TPST1: variants seen among roughly 807,000 people sequenced by gnomAD.
TPST1 encodes protein-tyrosine sulfotransferase 1.
In TPST1, 20 loss-of-function variants were observed where a neutral mutation model predicts 34.8. The ratio of observed to expected loss-of-function variants is 0.57; its 90% confidence interval spans 0.40 to 0.84. TPST1 has a LOEUF of 0.84. Among genes scored for constraint, TPST1 ranks in the 40% least tolerant of loss-of-function variants. The pLI, the probability that TPST1 is intolerant of heterozygous loss-of-function variation, is 0.00. For missense variants in TPST1, 353 were observed against 455.5 expected (o/e 0.78, Z 2.05); for synonymous variants, 152 against 159.4 (o/e 0.95, Z 0.35).
chr7:66,322,455 C>T (rs1005192266), intron 3 of TPST1, among the ~76,000 whole-genome samples: 19 of 152,302 alleles, frequency 1.2e-4, no homozygotes, highest in African/African-American at 4.3e-4. Flanking sequence ...ACTTTTGTCT[C>T]GATTTAAGTA....
intron 1 of TPST1, among the ~76,000 whole-genome samples, chr7:66,235,252 C>T (rs1216452688): frequency 6.8e-6 from 1 of 146,938 alleles, no homozygotes; most frequent in African/African-American, 2.5e-5. Context: ...ATGGCGCGAA[C>T]TCGGCTCGCT....
At chr7:66,266,902 G>C (rs763288922) in intron 2 of TPST1, among the ~76,000 whole-genome samples, 7 of 152,162 alleles carry the variant, frequency 4.6e-5, no homozygotes, top group Non-Finnish European at 8.8e-5. Context: ...AAAAGAGACT[G>C]TTGAGGGGCT....
In TPST1 at chr7:66,266,278, T is replaced by TA. The variant is rs536062105; in HGVS notation, c.846-20219dup. Among the ~76,000 whole-genome samples, 246 of 135,400 alleles carry TA rather than the reference T, an allele frequency of 1.8e-3. 3 individuals carry two copies. The highest frequency in any genetic ancestry group is 8.3e-3 in the South Asian group (36 of 4,346). 88.8% of individuals were successfully genotyped at this position (135,400 alleles called of 152,430 possible). A position where few individuals can be genotyped will look rare whatever the true frequency, so the allele number is the denominator to read the frequency against. On this transcript the variant is annotated intron_variant, in intron 2 of 5. Transcript: ENST00000304842. ...GATCTTTTCACCAGTCTAATTCTACTAAAAAAAAAAAAAAGTAGGCTTAGT... is the reference window on the plus strand; with the variant it reads ...GATCTTTTCACCAGTCTAATTCTACTAAAAAAAAAAAAAAAGTAGGCTTAGT...
At chr7:66,241,384 A>G (rs1790033052) in intron 2 of TPST1, 114 bp downstream of exon 2, 2 of 1,270,110 alleles carry the variant, frequency 1.6e-6, no homozygotes, top group Admixed American at 3.1e-5. Context: ...GTGTATATAT[A>G]GAAACTGAAG....
chr7:66,232,393 G>C lies in TPST1; in HGVS notation c.-101-7932G>C, dbSNP rs536242455. Reference sequence around the variant, plus strand: ...AATTTTTTGTTTGTTTGTTTTTTGAGACAGAGTCTCGCTCTGTCTCCCAGG... The same window carrying C: ...AATTTTTTGTTTGTTTGTTTTTTGACACAGAGTCTCGCTCTGTCTCCCAGG... On this transcript the variant is annotated intron_variant, in intron 1 of 5. Transcript: ENST00000304842. Among the ~76,000 whole-genome samples, 217 of 151,468 alleles carry C rather than the reference G, an allele frequency of 1.4e-3. 2 individuals are homozygous for C. Among genetic ancestry groups the C allele is most frequent in the Admixed American group, 4.0e-3 (61 of 15,252 alleles).
chr7:66,208,037 C>A (rs1789168101), intron 1 of TPST1, among the ~76,000 whole-genome samples: 1 of 151,708 alleles, frequency 6.6e-6, no homozygotes, highest in Non-Finnish European at 1.5e-5. Context: ...TTTTTCTGAA[C>A]CTCTGGGTCC....
intron 3 of TPST1, among the ~76,000 whole-genome samples, chr7:66,298,914 G>A (rs1791255367): frequency 6.6e-6 from 1 of 152,012 alleles, no homozygotes; most frequent in East Asian, 1.9e-4. Flanking sequence ...ACAAGGTCAG[G>A]AGATCGAGAC....
Position 66,332,558 on chromosome 7 carries a change from C to T in TPST1, c.1045-19947C>T, listed in dbSNP as rs1322179505. Among the ~76,000 whole-genome samples, 1 of 152,158 alleles carries T rather than the reference C, an allele frequency of 6.6e-6. No individual in the cohort carries two copies. Among genetic ancestry groups the T allele is most frequent in the Non-Finnish European group, 1.5e-5 (1 of 68,030 alleles). On this transcript the variant is annotated intron_variant, in intron 3 of 5. Transcript: ENST00000304842. The surrounding 1 kb of genome is among the most constrained non-coding windows in gnomAD (Gnocchi z 4.5). ...AAAGTGCTAGGATTACAGGCATGAGCCAACATGCCTGGCCTGTTTACATCT... is the reference window on the plus strand; with the variant it reads ...AAAGTGCTAGGATTACAGGCATGAGTCAACATGCCTGGCCTGTTTACATCT...
At chr7:66,257,147 A>G (rs927653375) in intron 2 of TPST1, among the ~76,000 whole-genome samples, 1 of 152,060 alleles carries the variant, frequency 6.6e-6, no homozygotes, top group African/African-American at 2.4e-5. Context: ...GGGTTTCGCT[A>G]TGTTGCCCAG....
At chr7:66,278,003 G>A (rs1410045433) in intron 2 of TPST1, among the ~76,000 whole-genome samples, 2 of 149,680 alleles carry the variant, frequency 1.3e-5, no homozygotes, top group Admixed American at 1.4e-4. Context: ...AGGAGGCTGA[G>A]GCTGGAGAAT....
chr7:66,303,585 T>G (rs1791362254), intron 3 of TPST1, among the ~76,000 whole-genome samples: 1 of 152,158 alleles, frequency 6.6e-6, no homozygotes, highest in African/African-American at 2.4e-5. Flanking sequence ...AATTTTTATA[T>G]TTTTAGTAGT....
At chr7:66,316,028 T>A (rs1179644862) in intron 3 of TPST1, among the ~76,000 whole-genome samples, 2 of 151,686 alleles carry the variant, frequency 1.3e-5, no homozygotes, top group Admixed American at 1.3e-4. Context: ...GAGAATCGCT[T>A]GAACTCAGGA....
rs376698635 is a variant in TPST1, at chr7:66,219,047, ATTTTTTTT to A, written c.-102+13539_-102+13546del. Among the ~76,000 whole-genome samples the A allele has an allele frequency of 2.8e-5, 3 of 108,906 alleles. No homozygotes were observed. The Admixed American group carries it at 3.2e-4, about 12-fold the overall frequency. The allele number at this position is 108,906 out of a possible 152,430, so 71.4% of individuals were successfully genotyped here. On this transcript the variant is annotated intron_variant, in intron 1 of 5. Coordinates refer to ENST00000304842, the MANE Select transcript of TPST1 (RefSeq NM_003596.4). ...AGGCATGTACCACCACGCCTGGCTA[ATTTTTTTT>A]TTTTTTTTTTTTTGGTATTTTTAGT...
At chr7:66,230,054 G>A in intron 1 of TPST1, among the ~76,000 whole-genome samples, 1 of 152,144 alleles carries the variant, frequency 6.6e-6, no homozygotes, top group East Asian at 1.9e-4. Context: ...TGGACATGGT[G>A]GCACGCACCT....
intron 2 of TPST1, among the ~76,000 whole-genome samples, chr7:66,271,413 G>A (rs1562823432): frequency 6.6e-6 from 1 of 152,156 alleles, no homozygotes; most frequent in South Asian, 2.1e-4. Context: ...TCCTGATCTC[G>A]TGATCTGCCC....
rs565936984 is a variant in TPST1, at chr7:66,316,334, T to C, written c.1044+29625T>C. 2.1e-3 allele frequency among the ~76,000 whole-genome samples: 325 copies of C among 152,352 alleles called. 2 individuals are homozygous for C. The highest frequency in any genetic ancestry group is 7.6e-3 in the African/African-American group (318 of 41,580). The stretch of plus-strand genomic sequence containing the variant: ...AATTCTGTAAAATGTTGTTGAAGCT[T>C]AATGATCTAAGACGGGTCAGTTTTT... On this transcript the variant is annotated intron_variant, in intron 3 of 5. Coordinates refer to ENST00000304842, the MANE Select transcript of TPST1 (RefSeq NM_003596.4).
intron 3 of TPST1, among the ~76,000 whole-genome samples, chr7:66,338,775 T>A (rs1792172307): frequency 6.6e-6 from 1 of 151,774 alleles, no homozygotes; most frequent in African/African-American, 2.4e-5. Flanking sequence ...GGAAACAAAA[T>A]ACCAAAACCT....
rs777285567 is a variant in TPST1 at position 66,241,265 on chromosome 7, G to C, written c.840G>C (p.Leu280=). The change falls in exon 2 of 6, where the codon CTG becomes CTC. Residue 280 remains leucine (L), a synonymous_variant. Transcript: ENST00000304842. The stretch of plus-strand genomic sequence containing the variant: ...TTGGGAAAGCTGGGGGAGTGTCTCT[G>C]TCAAAGTGAGTAGAAGATACGTTTT... The part of the protein sequence containing the change: ...EMIGKAGGVS[L]SKVERSTDQV... The C allele has an allele frequency of 6.2e-6, 10 of 1,603,850 alleles. No homozygotes were observed. The highest frequency in any genetic ancestry group is 8.5e-6 in the Non-Finnish European group (10 of 1,175,294).
intron 2 of TPST1, among the ~76,000 whole-genome samples, chr7:66,273,975 G>C (rs1790754742): frequency 6.6e-6 from 1 of 151,508 alleles, no homozygotes; most frequent in South Asian, 2.1e-4. Flanking sequence ...ACTAATTTTT[G>C]TTGTTGTTTT....
Sources: allele counts gnomAD v4.1 joint callset (sites outside exome capture counted in the v4.1 genomes callset), GRCh38; gene constraint gnomAD v4.1.1; non-coding constraint Gnocchi (gnomAD v3.1); transcripts MANE v1.5; gene names NCBI Gene and HGNC (gene_info 2026-07-23, HGNC 2026-07-21).